MAGI3: variants seen among roughly 807,000 people sequenced by gnomAD.
The protein encoded by MAGI3 is membrane-associated guanylate kinase, WW and PDZ domain-containing protein 3.
Under a neutral mutation model 121.8 loss-of-function variants are expected in MAGI3, and 43 were observed. That is an observed-to-expected ratio of 0.35 (90% CI 0.28 to 0.46). The LOEUF (loss-of-function observed/expected upper bound fraction) is 0.46. Among genes scored for constraint, MAGI3 ranks in the 20% least tolerant of loss-of-function variants. MAGI3 has a pLI of 1.00. For missense variants in MAGI3, 1,547 were observed against 1,797.3 expected, an observed-to-expected ratio of 0.86 and a Z score of 2.52; for synonymous variants, 553 against 639.3, an observed-to-expected ratio of 0.86 and a Z score of 2.04.
At chr1:113,491,885 C>T (rs961555212) in intron 1 of MAGI3, among the ~76,000 whole-genome samples, 36 of 152,196 alleles carry the variant, frequency 2.4e-4, no homozygotes, top group African/African-American at 8.4e-4. Context: ...AAATAGCCTA[C>T]CAACCAAAAA....
At chr1:113,531,351 A>G (rs1380101323) in intron 1 of MAGI3, among the ~76,000 whole-genome samples, 4 of 152,170 alleles carry the variant, frequency 2.6e-5, no homozygotes, top group Non-Finnish European at 2.9e-5. Flanking sequence ...GATAAAAAGC[A>G]GAATAATTTT....
chr1:113,588,144 T>G (rs1648490947), intron 4 of MAGI3, among the ~76,000 whole-genome samples: 1 of 152,074 alleles, frequency 6.6e-6, no homozygotes, highest in South Asian at 2.1e-4. Context: ...CAGGAGGTGG[T>G]AAGATGTGGT....
intron 9 of MAGI3, among the ~76,000 whole-genome samples, chr1:113,634,135 A>C (rs1383116494): frequency 6.6e-6 from 1 of 152,198 alleles, no homozygotes; most frequent in Non-Finnish European, 1.5e-5. Flanking sequence ...TCTGGATATT[A>C]GCCCTTCGTC....
chr1:113,637,325 C>T (rs981765801), intron 9 of MAGI3, among the ~76,000 whole-genome samples: 5 of 152,150 alleles, frequency 3.3e-5, no homozygotes, highest in South Asian at 2.1e-4. Flanking sequence ...TTCCTAGCCT[C>T]GATGGTCTTT....
intron 6 of MAGI3, among the ~76,000 whole-genome samples, chr1:113,612,975 T>C (rs191999032): frequency 6.6e-6 from 1 of 152,298 alleles, no homozygotes; most frequent in East Asian, 1.9e-4. Context: ...AATTCCTCCT[T>C]ACTCAGCTCT....
Position 113,683,497 on chromosome 1 carries a change from A to C in MAGI3, c.3929A>C (p.Glu1310Ala). 1.2e-6 allele frequency: 2 copies of C among 1,613,956 alleles called. No individual in the cohort carries two copies. The highest frequency in any genetic ancestry group is 1.7e-6 in the Non-Finnish European group (2 of 1,179,874). The change falls in exon 21 of 21, where the codon GAG (glutamate) becomes GCG (alanine). Residue 1310 changes from glutamate (E) to alanine (A), a missense_variant. Transcript: ENST00000307546. ...APSNAEAKLL[E>A]GKSRRIAGYT... ...TCAAATGCTGAGGCCAAATTATTAG[A>C]GGGTAAGAGTCGAAGAATAGCAGGC...
intron 1 of MAGI3, among the ~76,000 whole-genome samples, chr1:113,452,142 C>G (rs1165396190): frequency 1.3e-5 from 2 of 151,664 alleles, no homozygotes; most frequent in African/African-American, 4.8e-5. Context: ...TGTTTTTTTC[C>G]TGCAAAGAAA....
intron 6 of MAGI3, among the ~76,000 whole-genome samples, chr1:113,595,966 G>A (rs1482721044): frequency 1.3e-5 from 2 of 152,152 alleles, no homozygotes; most frequent in Non-Finnish European, 2.9e-5. Flanking sequence ...AGGAGGTTGA[G>A]GCTGCGGTGA....
chr1:113,661,150 G>A (rs1016054635), intron 16 of MAGI3, among the ~76,000 whole-genome samples: 1 of 152,072 alleles, frequency 6.6e-6, no homozygotes, highest in Non-Finnish European at 1.5e-5. Context: ...ATCTATTTCA[G>A]TATCATCATC....
chr1:113,609,376 C>T (rs1486545736), intron 6 of MAGI3, among the ~76,000 whole-genome samples: 1 of 152,116 alleles, frequency 6.6e-6, no homozygotes, highest in African/African-American at 2.4e-5. Context: ...CCTTTTCTTC[C>T]CAGTCTTCTG....
chr1:113,573,578 G>A lies in MAGI3; in HGVS notation c.434-6964G>A, dbSNP rs149980272. 8.3e-4 allele frequency among the ~76,000 whole-genome samples: 127 copies of A among 152,186 alleles called. 1 individual carries two copies. The highest frequency in any genetic ancestry group is 2.9e-3 in the African/African-American group (122 of 41,546). On this transcript the variant is annotated intron_variant, in intron 2 of 20. Transcript: ENST00000307546. ...CGAGAGAGCGTTTGTTATGATTTCC[G>A]TTCTTTTGCATTTGCTGAGGAGTGT...
rs1652852990 is a variant in MAGI3 at position 113,423,744 on chromosome 1, A to G, written c.316+32395A>G. ...ACTGGCAGCCCGGCCTCCAGGCTTCAGGCCTTCCCTTGCTTGAAGGTGAGG... is the reference window on the plus strand; with the variant it reads ...ACTGGCAGCCCGGCCTCCAGGCTTCGGGCCTTCCCTTGCTTGAAGGTGAGG... On this transcript the variant is annotated intron_variant, in intron 1 of 20. Transcript: ENST00000307546. Among the ~76,000 whole-genome samples, 3 of 152,282 alleles carry G rather than the reference A, an allele frequency of 2.0e-5. No homozygotes were observed. The South Asian group carries it at 6.2e-4, about 32-fold the overall frequency.
rs933457635 is a variant in MAGI3, at chr1:113,422,808, G to C, written c.316+31459G>C. Among the ~76,000 whole-genome samples the C allele has an allele frequency of 2.6e-5, 4 of 152,204 alleles. No individual in the cohort carries two copies. The highest frequency in any genetic ancestry group is 1.3e-4 in the Admixed American group (2 of 15,278). On this transcript the variant is annotated intron_variant, in intron 1 of 20. Coordinates refer to ENST00000307546, the MANE Select transcript of MAGI3 (RefSeq NM_001142782.2). The surrounding 1 kb of genome is among the most constrained non-coding windows in gnomAD (Gnocchi z 4.3). The stretch of plus-strand genomic sequence containing the variant: ...CATGTTTTGGCCCAATTGTGTTATA[G>C]CTCTTTCAGTCTCACTACCCAGCTC...
chr1:113,394,599 G>A (rs1228612274), intron 1 of MAGI3, among the ~76,000 whole-genome samples: 2 of 152,050 alleles, frequency 1.3e-5, no homozygotes, highest in Non-Finnish European at 2.9e-5. Flanking sequence ...AGTGAATTTT[G>A]TTCTGAAATT....
At chr1:113,576,553 C>T (rs1275619942) in intron 2 of MAGI3, among the ~76,000 whole-genome samples, 1 of 152,180 alleles carries the variant, frequency 6.6e-6, no homozygotes, top group Non-Finnish European at 1.5e-5. Flanking sequence ...AAACCACCCA[C>T]CTTCTGTGTT....
chr1:113,459,292 G>T lies in MAGI3; in HGVS notation c.316+67943G>T, dbSNP rs555469676. Among the ~76,000 whole-genome samples, 179 of 152,256 alleles carry T rather than the reference G, an allele frequency of 1.2e-3. 3 individuals carry two copies. In the South Asian group the frequency reaches 0.036, roughly 31 times the overall value. ...AATGAAATTTGTTATTTCTACATCA[G>T]TTATTTTTTCTCCACACTTTTTATA... On this transcript the variant is annotated intron_variant, in intron 1 of 20. Coordinates refer to ENST00000307546, the MANE Select transcript of MAGI3 (RefSeq NM_001142782.2).
intron 1 of MAGI3, among the ~76,000 whole-genome samples, chr1:113,416,069 G>A (rs1249116367): frequency 1.4e-5 from 2 of 147,638 alleles, no homozygotes; most frequent in East Asian, 2.0e-4. Context: ...TATTAATTAT[G>A]TAATTAATGA....
chr1:113,680,926 T>G lies in MAGI3; in HGVS notation c.3190-272T>G, dbSNP rs144653716. Among the ~76,000 whole-genome samples the G allele has an allele frequency of 3.9e-3, 593 of 152,312 alleles. 3 individuals are homozygous for G. The highest frequency in any genetic ancestry group is 0.021 in the South Asian group (101 of 4,820). On this transcript the variant is annotated intron_variant, in intron 19 of 20. Transcript: ENST00000307546. ...TTCCAAATCTGATTCTAGAATTTGA[T>G]TCTTGATTTCAAGATGTCCAGATCT...
rs1298753864 is a variant in MAGI3 at position 113,539,371 on chromosome 1, G to A, written c.317-10144G>A. Among the ~76,000 whole-genome samples, 11 of 149,504 alleles carry A rather than the reference G, an allele frequency of 7.4e-5. No individual in the cohort carries two copies. In the East Asian group the frequency reaches 1.4e-3, roughly 19 times the overall value. On this transcript the variant is annotated intron_variant, in intron 1 of 20. Coordinates refer to ENST00000307546, the MANE Select transcript of MAGI3 (RefSeq NM_001142782.2). ...TCACGCCACTGCACTCCAGCCTGGT[G>A]ACAGAGAGAGACTCCGTCTCAGAAA...
Sources: allele counts gnomAD v4.1 joint callset (sites outside exome capture counted in the v4.1 genomes callset), GRCh38; gene constraint gnomAD v4.1.1; non-coding constraint Gnocchi (gnomAD v3.1); transcripts MANE v1.5; gene names NCBI Gene and HGNC (gene_info 2026-07-23, HGNC 2026-07-21).